The following NTRK2 variants were observed in gnomAD, a reference collection of about 807,000 sequenced individuals.
NTRK2 encodes the protein neurotrophic receptor tyrosine kinase 2.
In NTRK2, 13 loss-of-function variants were observed where a neutral mutation model predicts 94.5. The ratio of observed to expected loss-of-function variants is 0.14; its 90% confidence interval spans 0.09 to 0.22. The LOEUF is 0.22. Among genes scored for constraint, NTRK2 ranks in the 10% least tolerant of loss-of-function variants. The pLI is 1.00. For missense variants in NTRK2, 639 were observed against 1,071.2 expected (o/e 0.60, Z 5.63); for synonymous variants, 372 against 407.4 (o/e 0.91, Z 1.05).
At chr9:84,897,114 C>T (rs932290610) in intron 14 of NTRK2, among the ~76,000 whole-genome samples, 3 of 151,802 alleles carry the variant, frequency 2.0e-5, no homozygotes, top group African/African-American at 7.3e-5. Flanking sequence ...CTAAGCTGAA[C>T]CTTGAGAGGA....
chr9:84,874,450 C>G, intron 14 of NTRK2: 1 of 1,065,910 alleles, frequency 9.4e-7, no homozygotes, highest in African/African-American at 1.6e-5. Flanking sequence ...TGGGCTTCTT[C>G]TCAGATTAAT....
At chr9:84,788,997 G>A (rs1465348568) in intron 12 of NTRK2, among the ~76,000 whole-genome samples, 15 of 152,202 alleles carry the variant, frequency 9.9e-5, no homozygotes, top group Admixed American at 9.8e-4. Context: ...GCTGGGAAGG[G>A]CATAGAGAAA....
intron 12 of NTRK2, among the ~76,000 whole-genome samples, chr9:84,835,885 T>C (rs2131723613): frequency 6.6e-6 from 1 of 152,330 alleles, no homozygotes; most frequent in South Asian, 2.1e-4. Context: ...AATCCTAATC[T>C]AATATAAAAC....
intron 14 of NTRK2, among the ~76,000 whole-genome samples, chr9:84,927,404 T>C (rs539969762): frequency 1.3e-5 from 2 of 151,920 alleles, no homozygotes; most frequent in Non-Finnish European, 2.9e-5. Context: ...TATAAGTACA[T>C]GGGTTTTTCT....
intron 12 of NTRK2, among the ~76,000 whole-genome samples, chr9:84,782,628 C>T (rs2067705792): frequency 6.6e-6 from 1 of 152,178 alleles, no homozygotes; most frequent in African/African-American, 2.4e-5. Context: ...TTTCCCTTTT[C>T]AGATATGGCT....
chr9:84,700,245 C>A lies in NTRK2; in HGVS notation c.213-1914C>A, dbSNP rs73651109. On this transcript the variant is annotated intron_variant, in intron 2 of 18. Coordinates refer to ENST00000277120, the MANE Select transcript of NTRK2 (RefSeq NM_006180.6). ...TAGAATGCAGTTCTTACTGTGAGAT[C>A]ATTTAGAAGAGTGAGGTCACTGTGG... Among the ~76,000 whole-genome samples the A allele has an allele frequency of 2.9e-3, 445 of 152,290 alleles. 1 individual carries two copies. The highest frequency in any genetic ancestry group is 0.011 in the African/African-American group (439 of 41,556).
intron 12 of NTRK2, among the ~76,000 whole-genome samples, chr9:84,828,927 AC>A (rs1339206084): frequency 2.0e-5 from 3 of 150,872 alleles, no homozygotes; most frequent in Non-Finnish European, 4.4e-5. Context: ...ACAAATGTGG[AC>A]CCTTGTACAG....
At chr9:84,730,766 G>GAAAAAAA (rs2062810890) in intron 9 of NTRK2, among the ~76,000 whole-genome samples, 2 of 7,908 alleles carry the variant, frequency 2.5e-4, no homozygotes, top group Non-Finnish European at 4.2e-4. Flanking sequence ...AAAAACTAAA[G>GAAAAAAA]AAAAATAAAC....
chr9:84,877,372 T>A, intron 14 of NTRK2: 2 of 1,066,164 alleles, frequency 1.9e-6, no homozygotes, highest in Non-Finnish European at 2.3e-6. Context: ...GGGGATTAGT[T>A]CATATGGTCC....
Position 84,723,573 on chromosome 9 carries a change from G to T in NTRK2, c.584G>T (p.Gly195Val), listed in dbSNP as rs764986674. The change falls in exon 7 of 19, where the codon GGT becomes GTT. Residue 195 changes from glycine (G) to valine (V), a missense_variant and splice_region_variant. Gly to Val is a moderately radical substitution (Grantham distance 109, BLOSUM62 -3). This residue lies in a region of NTRK2 where 206 missense variants were observed against 251.5 expected (regional missense o/e 0.82). Coordinates refer to ENST00000277120, the MANE Select transcript of NTRK2 (RefSeq NM_006180.6). ...PLANLQIPNC[G>V]LPSANLAAPN... Reference sequence around the variant, plus strand: ...TCTGTTTACTTTTCTTGTTCCATAGGTTTGCCATCTGCAAATCTGGCCGCA... The same window carrying T: ...TCTGTTTACTTTTCTTGTTCCATAGTTTTGCCATCTGCAAATCTGGCCGCA... The T allele has an allele frequency of 6.2e-7, 1 of 1,613,968 alleles. No individual in the cohort carries two copies.
intron 12 of NTRK2, among the ~76,000 whole-genome samples, chr9:84,793,760 G>A (rs762584469): frequency 7.9e-5 from 12 of 152,038 alleles, no homozygotes; most frequent in East Asian, 1.9e-4. Context: ...GTTGTTGCTC[G>A]CAGAAATGAC....
At chr9:84,878,933 C>G (rs930811549) in intron 14 of NTRK2, among the ~76,000 whole-genome samples, 7 of 152,176 alleles carry the variant, frequency 4.6e-5, no homozygotes, top group Admixed American at 3.9e-4. Context: ...GCCTAATTGT[C>G]CTTCCTCACT....
chr9:84,952,491 T>C (rs1166089428), intron 16 of NTRK2, among the ~76,000 whole-genome samples: 1 of 152,218 alleles, frequency 6.6e-6, no homozygotes, highest in Non-Finnish European at 1.5e-5. Context: ...CTGGAAGAGA[T>C]GAAATGTGTT....
At position 84,864,820 on chromosome 9, in the gene NTRK2, A is replaced by G. The variant is rs147807068; in HGVS notation, c.1445-2423A>G. ...CAGTGGTGTGATCTCAGCTCACCACAACTTCTGCCTCCCAGGTTCAAGTGA... is the reference window on the plus strand; with the variant it reads ...CAGTGGTGTGATCTCAGCTCACCACGACTTCTGCCTCCCAGGTTCAAGTGA... On this transcript the variant is annotated intron_variant, in intron 13 of 18. Transcript: ENST00000277120. Among the ~76,000 whole-genome samples the G allele has an allele frequency of 3.0e-3, 415 of 139,560 alleles. 1 individual carries two copies. Among genetic ancestry groups the G allele is most frequent in the African/African-American group, 0.011 (397 of 36,930 alleles). 91.6% of individuals were successfully genotyped at this position (139,560 alleles called of 152,430 possible).
chr9:85,020,839 G>A (rs1346419506), intron 18 of NTRK2, among the ~76,000 whole-genome samples: 2 of 152,092 alleles, frequency 1.3e-5, no homozygotes, highest in Non-Finnish European at 2.9e-5. Flanking sequence ...ATCAGGCACC[G>A]TACATCTTTT....
In NTRK2 at chr9:84,780,043, G is replaced by A. The variant is rs184939580; in HGVS notation, c.1396+27958G>A. 5.2e-3 allele frequency among the ~76,000 whole-genome samples: 781 copies of A among 151,412 alleles called. 5 individuals are homozygous for A. Among genetic ancestry groups the A allele is most frequent in the Middle Eastern group, 6.8e-3 (2 of 294 alleles). Reference sequence around the variant, plus strand: ...ATAAGGCATTATAATGGGACTCTGCGGTTTTTTTTTTCCTTAAAAATCTGG... The same window carrying A: ...ATAAGGCATTATAATGGGACTCTGCAGTTTTTTTTTTCCTTAAAAATCTGG... On this transcript the variant is annotated intron_variant, in intron 12 of 18. Coordinates refer to ENST00000277120, the MANE Select transcript of NTRK2 (RefSeq NM_006180.6).
At chr9:84,934,443 G>C in intron 15 of NTRK2, 151 bp downstream of exon 15, 1 of 867,776 alleles carries the variant, frequency 1.2e-6, no homozygotes, top group African/African-American at 1.7e-5. Flanking sequence ...TAAATGGACA[G>C]TGGAAAGGAC....
chr9:84,822,293 T>G (rs1239610203), intron 12 of NTRK2, among the ~76,000 whole-genome samples: 1 of 152,194 alleles, frequency 6.6e-6, no homozygotes, highest in Non-Finnish European at 1.5e-5. Flanking sequence ...CTTTTTCACT[T>G]TCTTACTTCT....
chr9:84,720,191 A>G (rs1419295213), intron 6 of NTRK2, among the ~76,000 whole-genome samples: 4 of 152,158 alleles, frequency 2.6e-5, no homozygotes, highest in African/African-American at 4.8e-5. Flanking sequence ...GAACTACTAC[A>G]ATGCTTAGAG....
Sources: gnomAD v4.1 joint callset for allele counts (sites outside exome capture counted in the v4.1 genomes callset) on GRCh38, gnomAD v4.1.1 for gene constraint, gnomAD v4.1.1 regional missense constraint, MANE v1.5 for transcripts, NCBI Gene and HGNC (gene_info 2026-07-23, HGNC 2026-07-21) for gene names.